CAPN5: variants seen among roughly 807,000 people sequenced by gnomAD.
The protein encoded by CAPN5 is calpain-5.
Under a neutral mutation model 73.0 loss-of-function variants are expected in CAPN5, and 54 were observed. The ratio of observed to expected loss-of-function variants is 0.74; its 90% CI spans 0.59 to 0.93. The LOEUF is 0.93. Ranked by LOEUF, CAPN5 falls within the 40% of genes least tolerant of loss-of-function variation. The probability of loss-of-function intolerance (pLI) is 0.00; values close to 1 mark genes in which losing one functional copy is unlikely to be tolerated. For synonymous variants in CAPN5, 335 were observed against 356.9 expected, an observed-to-expected ratio of 0.94 and a Z score of 0.69; for missense variants, 785 against 882.9, an observed-to-expected ratio of 0.89 and a Z score of 1.41.
At chr11:77,085,176 G>A in intron 2 of CAPN5, 125 bp downstream of exon 2, 1 of 801,286 alleles carries the variant, frequency 1.2e-6, no homozygotes, top group Non-Finnish European at 2.0e-6. Flanking sequence ...AGAAAGTGAG[G>A]GTGCTGAAAC....
chr11:77,102,795 C>CAG lies in CAPN5; in HGVS notation c.297+8983_297+8984dup. 3 of 1,500,556 alleles carry CAG rather than the reference C, an allele frequency of 2.0e-6. No individual in the cohort carries two copies. The South Asian group carries it at 3.9e-5, about 20-fold the overall frequency. The allele number at this position is 1,500,556 out of a possible 1,614,324, so 93.0% of individuals were successfully genotyped here. A position where few individuals can be genotyped will look rare whatever the true frequency, so the allele number is the denominator to read the frequency against. On this transcript the variant is annotated intron_variant, in intron 3 of 12. Coordinates refer to ENST00000648180, the MANE Select transcript of CAPN5 (RefSeq NM_004055.5). ...CTCTTCTCTCCACGGCCCCAGGCTC[C>CAG]AGCCCACTTGGGTCCTTGGCGTTGG... is the stretch of plus-strand genomic sequence containing the variant.
chr11:77,099,793 T>G (rs1319581095), intron 3 of CAPN5, among the ~76,000 whole-genome samples: 1 of 150,718 alleles, frequency 6.6e-6, no homozygotes, highest in Non-Finnish European at 1.5e-5. Context: ...GAGAGGGAGT[T>G]CCTTCTAGTT....
At chr11:77,120,664 T>G (rs1591149889) in intron 9 of CAPN5, 49 bp from the exon 10 acceptor site, 1 of 1,341,538 alleles carries the variant, frequency 7.5e-7, no homozygotes, top group Non-Finnish European at 1.0e-6. Flanking sequence ...TGGGCCAGGG[T>G]GTTGTAGGGT....
chr11:77,077,762 G>C (rs536625291), intron 1 of CAPN5, among the ~76,000 whole-genome samples: 1 of 152,218 alleles, frequency 6.6e-6, no homozygotes, highest in Non-Finnish European at 1.5e-5. Flanking sequence ...TGATCCACCT[G>C]CCTCGGCCTC....
At chr11:77,112,341 C>T (rs1950418857) in intron 3 of CAPN5, among the ~76,000 whole-genome samples, 1 of 152,020 alleles carries the variant, frequency 6.6e-6, no homozygotes, top group South Asian at 2.1e-4. Flanking sequence ...AAGAGGAAAG[C>T]TCACACACTC....
Position 77,124,608 on chromosome 11 carries a change from A to G in CAPN5, c.*738A>G, listed in dbSNP as rs1393110076. The G allele has an allele frequency of 6.6e-6, 1 of 152,450 alleles. No individual in the cohort carries two copies. Among genetic ancestry groups the G allele is most frequent in the Non-Finnish European group, 1.5e-5 (1 of 68,284 alleles). 9.4% of individuals were successfully genotyped at this position (152,450 alleles called of 1,614,324 possible). On this transcript the variant is annotated 3_prime_UTR_variant, in exon 13 of 13. Coordinates refer to ENST00000648180, the MANE Select transcript of CAPN5 (RefSeq NM_004055.5). Reference sequence around the variant, plus strand: ...CGATTCCATTCCCAGCCCCTGCGTTAAGGTCCCTGGAGAGGTGGCGTCAGT... The same window carrying G: ...CGATTCCATTCCCAGCCCCTGCGTTGAGGTCCCTGGAGAGGTGGCGTCAGT...
chr11:77,106,495 G>A (rs1950350081), intron 3 of CAPN5, among the ~76,000 whole-genome samples: 1 of 152,118 alleles, frequency 6.6e-6, no homozygotes, highest in Non-Finnish European at 1.5e-5. Context: ...TGCCCAGAGA[G>A]GCAGCTAGTG....
chr11:77,122,546 C>CG, intron 11 of CAPN5, 30 bp from the exon 12 acceptor site: 2 of 1,358,428 alleles, frequency 1.5e-6, no homozygotes, highest in Non-Finnish European at 2.1e-6. Context: ...CACCCCCACC[C>CG]TCACCCCATC....
intron 3 of CAPN5, among the ~76,000 whole-genome samples, chr11:77,097,132 G>A (rs1274782663): frequency 3.3e-5 from 5 of 152,148 alleles, no homozygotes; most frequent in Non-Finnish European, 7.3e-5. Context: ...TGAGGCAGGA[G>A]AATGGCGTGA....
At chr11:77,120,503 C>T (rs1950510844) in intron 9 of CAPN5, 3 of 477,256 alleles carry the variant, frequency 6.3e-6, no homozygotes. Context: ...AACCCACTCC[C>T]TTTAACCACC....
At chr11:77,104,087 CA>C (rs1950318457) in intron 3 of CAPN5, among the ~76,000 whole-genome samples, 1 of 152,232 alleles carries the variant, frequency 6.6e-6, no homozygotes. Context: ...ACCCTAGGAA[CA>C]AGTGCAGTTT....
chr11:77,068,041 A>G (rs1949864129), intron 1 of CAPN5, among the ~76,000 whole-genome samples: 1 of 152,156 alleles, frequency 6.6e-6, no homozygotes, highest in African/African-American at 2.4e-5. Flanking sequence ...ACTCAGGGGA[A>G]AGAGAGATCT....
intron 2 of CAPN5, among the ~76,000 whole-genome samples, chr11:77,088,699 G>T (rs56269502): frequency 6.6e-6 from 1 of 152,242 alleles, no homozygotes; most frequent in East Asian, 1.9e-4. Context: ...GACAAAGAGT[G>T]GGGGAGGAGG....
intron 1 of CAPN5, among the ~76,000 whole-genome samples, chr11:77,068,404 G>C (rs925611473): frequency 1.3e-4 from 20 of 152,056 alleles, no homozygotes; most frequent in African/African-American, 4.8e-4. Context: ...GGGAGCACAA[G>C]ACAGGGACTG....
chr11:77,114,459 G>A (rs782190937), intron 5 of CAPN5, 25 bp downstream of exon 5: 2 of 1,603,898 alleles, frequency 1.2e-6, no homozygotes, highest in Admixed American at 1.7e-5. Context: ...GTCCCCAGAG[G>A]CGACCCCTCC....
At position 77,123,974 on chromosome 11, in the gene CAPN5, C is replaced by T. The variant is rs1950549802; in HGVS notation, c.*104C>T. On this transcript the variant is annotated 3_prime_UTR_variant, in exon 13 of 13. Coordinates refer to ENST00000648180, the MANE Select transcript of CAPN5 (RefSeq NM_004055.5). Reference sequence around the variant, plus strand: ...CCAGGATACTGGGGTCCTTTTCCCACTCTTCCACTGACTTGCTGTGTGACC... The same window carrying T: ...CCAGGATACTGGGGTCCTTTTCCCATTCTTCCACTGACTTGCTGTGTGACC... 1 of 1,085,854 alleles carries T rather than the reference C, an allele frequency of 9.2e-7. No individual in the cohort carries two copies. 67.3% of individuals were successfully genotyped at this position (1,085,854 alleles called of 1,614,324 possible).
intron 2 of CAPN5, among the ~76,000 whole-genome samples, chr11:77,090,957 G>GCGGCCTCA (rs1481168424): frequency 6.6e-6 from 1 of 152,180 alleles, no homozygotes; most frequent in Non-Finnish European, 1.5e-5. Context: ...ATGAGACCAG[G>GCGGCCTCA]CGGCCTCACT....
chr11:77,073,359 T>G (rs1216260370), intron 1 of CAPN5, among the ~76,000 whole-genome samples: 1 of 152,134 alleles, frequency 6.6e-6, no homozygotes, highest in Admixed American at 6.5e-5. Context: ...CAGAAGCTCC[T>G]CTCCCTTGGC....
At chr11:77,117,294 G>T (rs1555041926) in intron 7 of CAPN5, among the ~76,000 whole-genome samples, 1 of 152,212 alleles carries the variant, frequency 6.6e-6, no homozygotes, top group East Asian at 1.9e-4. Context: ...CATCCAGCCT[G>T]CATGAGTCCT....
Sources: allele counts gnomAD v4.1 joint callset (sites outside exome capture counted in the v4.1 genomes callset), GRCh38; gene constraint gnomAD v4.1.1; transcripts MANE v1.5; gene names NCBI Gene and HGNC (gene_info 2026-07-23, HGNC 2026-07-21).